MAGI2: variants seen among roughly 807,000 people sequenced by gnomAD.
MAGI2 encodes the protein membrane associated guanylate kinase, WW and PDZ domain containing 2.
MAGI2 carries 35 observed loss-of-function variants against 133.3 expected under a neutral mutation model. The ratio of observed to expected loss-of-function variants is 0.26; its 90% CI spans 0.20 to 0.35. The LOEUF (loss-of-function observed/expected upper bound fraction) is 0.35, where lower values mean the gene tolerates loss of function less well. MAGI2 is among the 10% of genes least tolerant of loss of function. The pLI is 1.00. For synonymous variants in MAGI2, 729 were observed against 710.6 expected, an observed-to-expected ratio of 1.03 and a Z score of -0.41; for missense variants, 1,636 against 1,863.4, an observed-to-expected ratio of 0.88 and a Z score of 2.25.
chr7:79,189,427 G>T (rs897861037), intron 1 of MAGI2, among the ~76,000 whole-genome samples: 3 of 150,274 alleles, frequency 2.0e-5, no homozygotes, highest in African/African-American at 7.4e-5. Context: ...CCTATTAAAA[G>T]TAAATTTTCT....
At chr7:78,093,955 C>G (rs865780574) in intron 20 of MAGI2, among the ~76,000 whole-genome samples, 3 of 152,168 alleles carry the variant, frequency 2.0e-5, no homozygotes, top group East Asian at 1.9e-4. Context: ...AAGCAAGCAA[C>G]CAACCAACCT....
chr7:78,524,232 C>A (rs1017606865), intron 3 of MAGI2, among the ~76,000 whole-genome samples: 5 of 152,156 alleles, frequency 3.3e-5, no homozygotes, highest in African/African-American at 4.8e-5. Context: ...GTAGAAAGAG[C>A]CTCTCCCTGC....
At position 78,773,918 on chromosome 7, in the gene MAGI2, C is replaced by T. The variant is rs370759294; in HGVS notation, c.419-146679G>A. On this transcript the variant is annotated intron_variant, in intron 2 of 21. Coordinates refer to ENST00000354212, the MANE Select transcript of MAGI2 (RefSeq NM_012301.4). ...TAGCAGCAAGGTGAAGGGCAGATGA[C>T]AGCAGTGTTTTCCAAACTTTCCTAA... 2.1e-4 allele frequency among the ~76,000 whole-genome samples: 32 copies of T among 152,320 alleles called. 1 individual carries two copies. The highest frequency in any genetic ancestry group is 1.2e-3 in the East Asian group (6 of 5,190).
chr7:78,849,534 G>C (rs1315285852), intron 2 of MAGI2, among the ~76,000 whole-genome samples: 1 of 152,062 alleles, frequency 6.6e-6, no homozygotes, highest in African/African-American at 2.4e-5. Flanking sequence ...GGAATTTAAA[G>C]TATAGGAAAT....
intron 2 of MAGI2, among the ~76,000 whole-genome samples, chr7:78,855,077 T>G (rs1486906411): frequency 6.6e-6 from 1 of 152,006 alleles, no homozygotes; most frequent in Non-Finnish European, 1.5e-5. Flanking sequence ...GCTGAATTAC[T>G]TTTTAAAAAA....
intron 2 of MAGI2, among the ~76,000 whole-genome samples, chr7:78,801,868 A>G (rs1284904027): frequency 6.6e-6 from 1 of 152,144 alleles, no homozygotes; most frequent in African/African-American, 2.4e-5. Flanking sequence ...ATCTATTGTT[A>G]CCATTAAACT....
At chr7:79,018,708 C>T (rs1467395119) in intron 1 of MAGI2, among the ~76,000 whole-genome samples, 2 of 152,150 alleles carry the variant, frequency 1.3e-5, no homozygotes, top group Non-Finnish European at 2.9e-5. Flanking sequence ...GAAAAATCTA[C>T]CAAGCAAACA....
At chr7:78,658,360 TAAAATGTA>T (rs1171477400) in intron 2 of MAGI2, among the ~76,000 whole-genome samples, 1 of 152,182 alleles carries the variant, frequency 6.6e-6, no homozygotes, top group East Asian at 1.9e-4. Flanking sequence ...GACTTAAATG[TAAAATGTA>T]AAACTATAAA....
At chr7:78,138,327 T>C (rs1379779593) in intron 16 of MAGI2, among the ~76,000 whole-genome samples, 1 of 152,142 alleles carries the variant, frequency 6.6e-6, no homozygotes, top group Non-Finnish European at 1.5e-5. Context: ...AGTTGTCTTT[T>C]GACAGGCAAA....
intron 3 of MAGI2, among the ~76,000 whole-genome samples, chr7:78,540,480 G>A (rs1798320255): frequency 6.6e-6 from 1 of 152,148 alleles, no homozygotes; most frequent in Admixed American, 6.5e-5. Context: ...GAGCAGGGCT[G>A]ACATCTTGCC....
At chr7:78,812,710 C>T (rs1789186716) in intron 2 of MAGI2, among the ~76,000 whole-genome samples, 1 of 152,016 alleles carries the variant, frequency 6.6e-6, no homozygotes, top group South Asian at 2.1e-4. Context: ...TAGCTCTATT[C>T]TACTAGGCAT....
At chr7:79,167,980 C>T (rs937442875) in intron 1 of MAGI2, among the ~76,000 whole-genome samples, 5 of 152,118 alleles carry the variant, frequency 3.3e-5, no homozygotes, top group Admixed American at 1.3e-4. Flanking sequence ...ATAGCATGAA[C>T]GATCTGTGCC....
intron 2 of MAGI2, among the ~76,000 whole-genome samples, chr7:78,670,110 T>C (rs1323071229): frequency 1.3e-5 from 2 of 151,580 alleles, no homozygotes; most frequent in African/African-American, 4.9e-5. Flanking sequence ...GGTATTCAAT[T>C]AGGAAAAGAG....
At chr7:79,127,055 G>T (rs1201631615) in intron 1 of MAGI2, among the ~76,000 whole-genome samples, 1 of 151,728 alleles carries the variant, frequency 6.6e-6, no homozygotes, top group Admixed American at 6.6e-5. Context: ...ATGGTGTTTG[G>T]TTTTTTGTCC....
At chr7:79,006,453 G>A (rs1807457551) in intron 2 of MAGI2, among the ~76,000 whole-genome samples, 1 of 152,084 alleles carries the variant, frequency 6.6e-6, no homozygotes, top group Non-Finnish European at 1.5e-5. Flanking sequence ...AGGATTTTCA[G>A]GTGAGCTGTA....
intron 2 of MAGI2, among the ~76,000 whole-genome samples, chr7:78,656,938 A>T (rs1496787): frequency 0.06 from 9,169 of 151,922 alleles, 388 homozygotes; most frequent in Non-Finnish European, 0.086. Context: ...GTTATTTAAA[A>T]TATACAAAGA....
At chr7:78,444,219 G>T (rs1787903079) in intron 6 of MAGI2, among the ~76,000 whole-genome samples, 1 of 152,092 alleles carries the variant, frequency 6.6e-6, no homozygotes. Flanking sequence ...AACTCAGTTA[G>T]TTGGCTATAT....
At chr7:78,823,538 G>C (rs372338287) in intron 2 of MAGI2, among the ~76,000 whole-genome samples, 6 of 138,092 alleles carry the variant, frequency 4.3e-5, no homozygotes, top group Non-Finnish European at 7.6e-5. Context: ...AGCCCGGATC[G>C]CGCCACTGCA....
chr7:79,358,732 C>G (rs142615515), intron 1 of MAGI2, among the ~76,000 whole-genome samples: 144 of 152,238 alleles, frequency 9.5e-4, no homozygotes, highest in African/African-American at 3.3e-3. Flanking sequence ...CTTGGGGAAA[C>G]ACCTTTTACT....
Sources: gnomAD v4.1 joint callset for allele counts (sites outside exome capture counted in the v4.1 genomes callset) on GRCh38, gnomAD v4.1.1 for gene constraint, MANE v1.5 for transcripts, NCBI Gene and HGNC (gene_info 2026-07-23, HGNC 2026-07-21) for gene names.